AGBL3: variants seen among roughly 807,000 people sequenced by gnomAD.
AGBL3 encodes cytosolic carboxypeptidase 3.
AGBL3 carries 68 observed loss-of-function variants against 94.5 expected under a neutral mutation model. The ratio of observed to expected loss-of-function variants is 0.72; its 90% CI spans 0.59 to 0.88. The LOEUF is 0.88. AGBL3 is among the 40% of genes least tolerant of loss of function. The probability of loss-of-function intolerance (pLI) is 0.00; values close to 1 mark genes in which losing one functional copy is unlikely to be tolerated. For synonymous variants in AGBL3, 354 were observed against 370.7 expected (o/e 0.95, Z 0.52); for missense variants, 934 against 1,103.8 (o/e 0.85, Z 2.18).
intron 1 of AGBL3, among the ~76,000 whole-genome samples, chr7:134,987,382 C>T (rs1809603485): frequency 6.6e-6 from 1 of 152,020 alleles, no homozygotes; most frequent in African/African-American, 2.4e-5. Flanking sequence ...ATTTAGATTT[C>T]TAAGAATAAG....
At chr7:135,086,737 T>C (rs1250848893) in intron 15 of AGBL3, among the ~76,000 whole-genome samples, 1 of 151,998 alleles carries the variant, frequency 6.6e-6, no homozygotes. Flanking sequence ...TTAGGAGATT[T>C]GGTTTGTTAG....
chr7:135,072,244 C>T (rs1433816900), intron 12 of AGBL3, among the ~76,000 whole-genome samples: 1 of 152,122 alleles, frequency 6.6e-6, no homozygotes, highest in Non-Finnish European at 1.5e-5. Flanking sequence ...GAATGGCAAT[C>T]ATTAAAAAGT....
chr7:135,118,771 C>T lies in AGBL3; in HGVS notation c.2342+3160C>T, dbSNP rs939655184. On this transcript the variant is annotated intron_variant, in intron 16 of 16. Transcript: ENST00000436302. ...AAATGCTTCAAAAAACACTTATAAA[C>T]ACACTTGGAAGAAATAAAAAAATAG... Among the ~76,000 whole-genome samples, 3 of 151,774 alleles carry T rather than the reference C, an allele frequency of 2.0e-5. No homozygotes were observed. In the East Asian group the frequency reaches 5.8e-4, roughly 29 times the overall value.
chr7:135,012,796 G>A (rs1318346817), intron 4 of AGBL3, among the ~76,000 whole-genome samples: 1 of 152,016 alleles, frequency 6.6e-6, no homozygotes, highest in Non-Finnish European at 1.5e-5. Context: ...ATTCAAGACA[G>A]ATCATAGACC....
At position 135,045,487 on chromosome 7, in the gene AGBL3, C is replaced by T. The variant is rs1817271220; in HGVS notation, c.1641C>T (p.Gly547=). The change falls in exon 10 of 17, where the codon GGC becomes GGT. Residue 547 remains glycine, a synonymous_variant. Transcript: ENST00000436302. Reference sequence around the variant, plus strand: ...TTGATGTTTTAGGTAACAAACGAGGCACTCATTTCAGCACGAAAGACCTGG... The same window carrying T: ...TTGATGTTTTAGGTAACAAACGAGGTACTCATTTCAGCACGAAAGACCTGG... ...FCGSTLGNKR[G]THFSTKDLES... 6.4e-7 allele frequency: 1 copy of T among 1,550,974 alleles called. No individual in the cohort carries two copies. Among genetic ancestry groups the T allele is most frequent in the Non-Finnish European group, 8.7e-7 (1 of 1,146,408 alleles).
intron 15 of AGBL3, among the ~76,000 whole-genome samples, chr7:135,108,975 T>C (rs1825195729): frequency 6.6e-6 from 1 of 152,232 alleles, no homozygotes; most frequent in African/African-American, 2.4e-5. Context: ...TGGTCTATTC[T>C]GCTGTTAATA....
intron 4 of AGBL3, among the ~76,000 whole-genome samples, chr7:134,999,241 G>C (rs370204025): frequency 2.0e-5 from 3 of 152,034 alleles, no homozygotes; most frequent in African/African-American, 7.3e-5. Context: ...ATCTACCTCT[G>C]GGGGTGCAAA....
intron 12 of AGBL3, among the ~76,000 whole-genome samples, chr7:135,066,245 T>C (rs1819289647): frequency 6.6e-6 from 1 of 152,148 alleles, no homozygotes; most frequent in Non-Finnish European, 1.5e-5. Context: ...GGGGGTAATC[T>C]CCAAAATTTT....
chr7:134,998,697 G>A (rs957287609), intron 4 of AGBL3, among the ~76,000 whole-genome samples: 1 of 152,126 alleles, frequency 6.6e-6, no homozygotes, highest in Non-Finnish European at 1.5e-5. Context: ...TCTGAATTTT[G>A]CCAGGTGGGG....
intron 7 of AGBL3, 26 bp from the exon 8 acceptor site, chr7:135,037,392 T>C: frequency 6.6e-7 from 1 of 1,524,574 alleles, no homozygotes; most frequent in East Asian, 2.5e-5. Flanking sequence ...AGATAAAAGT[T>C]AGTAACTTAT....
chr7:135,011,644 A>T (rs1288391843), intron 4 of AGBL3: 5 of 152,190 alleles, frequency 3.3e-5, no homozygotes. Flanking sequence ...ATGGCCAATA[A>T]ACATATGAGA....
At chr7:135,132,119 A>G (rs1828857411) in intron 16 of AGBL3, among the ~76,000 whole-genome samples, 1 of 152,216 alleles carries the variant, frequency 6.6e-6, no homozygotes, top group African/African-American at 2.4e-5. Context: ...TACCAATTCT[A>G]TACAATTTCT....
At chr7:135,102,418 A>AATAATATGG (rs1823977530) in intron 15 of AGBL3, among the ~76,000 whole-genome samples, 1 of 152,184 alleles carries the variant, frequency 6.6e-6, no homozygotes, top group Admixed American at 6.5e-5. Flanking sequence ...TATCAAAGAT[A>AATAATATGG]ATAATATGGA....
chr7:135,051,567 G>A (rs1817878153), intron 11 of AGBL3, among the ~76,000 whole-genome samples: 1 of 151,972 alleles, frequency 6.6e-6, no homozygotes, highest in African/African-American at 2.4e-5. Context: ...AGATAACATA[G>A]CCTAGATGAT....
chr7:135,044,030 A>T lies in AGBL3; in HGVS notation c.1506A>T (p.Ser502=), dbSNP rs774901280. ...TTTTATTTGCTGCTTTTCAGTTTTC[A>T]TTCTCAGCTTGCAAGTTTAATGTCC... ...MLSKNCPDKF[S]FSACKFNVQK... Residue 502 remains serine, a synonymous_variant, in exon 9 of 17, where the codon TCA becomes TCT. Coordinates refer to ENST00000436302, the MANE Select transcript of AGBL3 (RefSeq NM_178563.4). 3 of 1,548,170 alleles carry T rather than the reference A, an allele frequency of 1.9e-6. No homozygotes were observed. The highest frequency in any genetic ancestry group is 1.2e-5 in the South Asian group (1 of 83,680).
chr7:135,043,679 AAT>A (rs1027311465), intron 8 of AGBL3, among the ~76,000 whole-genome samples: 5 of 152,144 alleles, frequency 3.3e-5, no homozygotes, highest in Admixed American at 1.3e-4. Context: ...TCTCTATCAA[AAT>A]ATCTCATGTA....
intron 16 of AGBL3, among the ~76,000 whole-genome samples, chr7:135,131,858 A>G (rs576275596): frequency 1.3e-5 from 2 of 152,308 alleles, no homozygotes; most frequent in East Asian, 1.9e-4. Flanking sequence ...ATGAAACAGG[A>G]TATCACTAAA....
At chr7:135,041,765 C>A (rs933005332) in intron 8 of AGBL3, among the ~76,000 whole-genome samples, 3 of 152,076 alleles carry the variant, frequency 2.0e-5, no homozygotes, top group African/African-American at 7.2e-5. Context: ...CAAAGATAAG[C>A]TCCAGGTAGA....
At chr7:135,055,561 C>T (rs1014747934) in intron 11 of AGBL3, among the ~76,000 whole-genome samples, 2 of 152,108 alleles carry the variant, frequency 1.3e-5, no homozygotes, top group African/African-American at 4.8e-5. Context: ...TGACAGATTA[C>T]ATCAACTGAT....
Sources: allele counts gnomAD v4.1 joint callset (sites outside exome capture counted in the v4.1 genomes callset), GRCh38; gene constraint gnomAD v4.1.1; transcripts MANE v1.5; gene names NCBI Gene and HGNC (gene_info 2026-07-23, HGNC 2026-07-21).